The following FGGY variants were observed in gnomAD, a reference collection of about 807,000 sequenced individuals.
FGGY encodes the protein FGGY carbohydrate kinase domain containing.
FGGY carries 72 observed loss-of-function variants against 71.3 expected under a neutral mutation model. The observed-to-expected ratio is 1.01, with a 90% CI of 0.84 to 1.23. The LOEUF (loss-of-function observed/expected upper bound fraction) is 1.23. Among genes scored for constraint, FGGY ranks in the 50% most tolerant of loss-of-function variants. FGGY has a pLI of 0.00. For synonymous variants in FGGY, 251 were observed against 250.3 expected (o/e 1.00, Z -0.02); for missense variants, 668 against 682.3 (o/e 0.98, Z 0.23).
At chr1:59,631,792 G>A (rs1475971118) in intron 10 of FGGY, among the ~76,000 whole-genome samples, 2 of 152,164 alleles carry the variant, frequency 1.3e-5, no homozygotes, top group Non-Finnish European at 2.9e-5. Flanking sequence ...TATAAATTAA[G>A]TAAACAAGAA....
chr1:59,465,215 A>G lies in FGGY; in HGVS notation c.670+8139A>G, dbSNP rs116422100. 4.5e-3 allele frequency among the ~76,000 whole-genome samples: 693 copies of G among 152,354 alleles called. 5 individuals are homozygous for G. Among genetic ancestry groups the G allele is most frequent in the African/African-American group, 0.016 (672 of 41,578 alleles). On this transcript the variant is annotated intron_variant, in intron 6 of 15. Coordinates refer to ENST00000303721, the MANE Select transcript of FGGY (RefSeq NM_018291.5). ...ATGTAAGGCGGTTCCACATATGCAA[A>G]TTAATTAACATAATCCATCACATAA...
intron 7 of FGGY, among the ~76,000 whole-genome samples, chr1:59,531,405 A>T (rs1205508353): frequency 6.6e-6 from 1 of 152,128 alleles, no homozygotes; most frequent in Non-Finnish European, 1.5e-5. Flanking sequence ...TTTTTCTGGC[A>T]ACAATGGGCT....
intron 11 of FGGY, among the ~76,000 whole-genome samples, chr1:59,650,234 A>C (rs2097143682): frequency 6.8e-6 from 1 of 146,106 alleles, no homozygotes; most frequent in Non-Finnish European, 1.5e-5. Context: ...TGTCTCTGCC[A>C]GGGTTTGGTA....
chr1:59,534,245 G>A (rs369290921), intron 7 of FGGY, among the ~76,000 whole-genome samples: 1 of 152,038 alleles, frequency 6.6e-6, no homozygotes, highest in Non-Finnish European at 1.5e-5. Context: ...TGGAAGATGA[G>A]ATGAATGAAA....
chr1:59,589,794 A>G (rs1430368870), intron 8 of FGGY, among the ~76,000 whole-genome samples: 1 of 152,208 alleles, frequency 6.6e-6, no homozygotes, highest in African/African-American at 2.4e-5. Flanking sequence ...AGCAGTGTGT[A>G]GAGGGAAATT....
intron 5 of FGGY, among the ~76,000 whole-genome samples, chr1:59,447,252 G>A (rs1372924396): frequency 1.3e-5 from 2 of 152,016 alleles, no homozygotes; most frequent in Non-Finnish European, 1.5e-5. Context: ...TCTTCCTAAG[G>A]TTAGAGTTAT....
At chr1:59,313,583 C>T (rs76836703) in intron 1 of FGGY, among the ~76,000 whole-genome samples, 2,118 of 151,972 alleles carry the variant, frequency 0.014, 43 homozygotes, top group African/African-American at 0.044. Flanking sequence ...CACACACACA[C>T]GCACGCACAC....
intron 5 of FGGY, among the ~76,000 whole-genome samples, chr1:59,379,452 C>T (rs992386782): frequency 6.6e-6 from 1 of 151,944 alleles, no homozygotes; most frequent in African/African-American, 2.4e-5. Context: ...CATAAAAATA[C>T]AATGTAAAAG....
rs906286748 is a variant in FGGY at position 59,606,566 on chromosome 1, T to C, written c.904-1237T>C. Among the ~76,000 whole-genome samples, 31 of 152,224 alleles carry C rather than the reference T, an allele frequency of 2.0e-4. 1 individual carries two copies. Among genetic ancestry groups the C allele is most frequent in the Admixed American group, 7.2e-4 (11 of 15,286 alleles). On this transcript the variant is annotated intron_variant, in intron 8 of 15. Coordinates refer to ENST00000303721, the MANE Select transcript of FGGY (RefSeq NM_018291.5). ...GGAAACAGGACTGTTTAAACTGATT[T>C]GTCTATAGTTGATTGATTTAATTTT...
intron 5 of FGGY, among the ~76,000 whole-genome samples, chr1:59,428,463 A>G (rs1231111858): frequency 1.3e-5 from 2 of 152,336 alleles, no homozygotes; most frequent in South Asian, 2.1e-4. Flanking sequence ...ACCTCAGTAC[A>G]GTAATTAGAT....
chr1:59,487,670 G>T lies in FGGY; in HGVS notation c.671-24641G>T, dbSNP rs571294063. 1.7e-4 allele frequency among the ~76,000 whole-genome samples: 26 copies of T among 152,024 alleles called. 1 individual carries two copies. The highest frequency in any genetic ancestry group is 1.6e-3 in the Admixed American group (25 of 15,280). On this transcript the variant is annotated intron_variant, in intron 6 of 15. Transcript: ENST00000303721. ...CCTGGGCTGGTGCTTCTCTGATACA[G>T]AAACCCCTGAAACTGATGATTATCC...
chr1:59,601,418 A>T (rs72919615), intron 8 of FGGY, among the ~76,000 whole-genome samples: 1 of 152,188 alleles, frequency 6.6e-6, no homozygotes, highest in Non-Finnish European at 1.5e-5. Context: ...AGCCAATGGC[A>T]TGCACTCATG....
At chr1:59,591,953 C>T (rs1238589207) in intron 8 of FGGY, among the ~76,000 whole-genome samples, 2 of 152,166 alleles carry the variant, frequency 1.3e-5, no homozygotes, top group African/African-American at 2.4e-5. Context: ...TCTCATTAAA[C>T]TAAAGAGCTT....
At chr1:59,386,272 C>T (rs958034327) in intron 5 of FGGY, among the ~76,000 whole-genome samples, 2 of 151,932 alleles carry the variant, frequency 1.3e-5, no homozygotes, top group Non-Finnish European at 2.9e-5. Flanking sequence ...ATAGTTTCTG[C>T]GTCTTTCTTT....
chr1:59,504,008 C>T (rs2094311460), intron 6 of FGGY, among the ~76,000 whole-genome samples: 1 of 152,120 alleles, frequency 6.6e-6, no homozygotes, highest in Non-Finnish European at 1.5e-5. Context: ...CAAAAAAAGT[C>T]TGAGCAGATA....
Position 59,313,470 on chromosome 1 carries a change from A to G in FGGY, c.-14-8066A>G, listed in dbSNP as rs76195306. On this transcript the variant is annotated intron_variant, in intron 1 of 15. Coordinates refer to ENST00000303721, the MANE Select transcript of FGGY (RefSeq NM_018291.5). ...GCGAGAATGCCTAGGTATAGATAAC[A>G]CATATTAAAAGATGTGGGTGTCAGC... 3.3e-3 allele frequency among the ~76,000 whole-genome samples: 502 copies of G among 152,314 alleles called. 4 individuals are homozygous for G. Among genetic ancestry groups the G allele is most frequent in the African/African-American group, 0.011 (466 of 41,560 alleles).
chr1:59,652,899 C>G (rs1027998627), intron 11 of FGGY, among the ~76,000 whole-genome samples: 1 of 152,118 alleles, frequency 6.6e-6, no homozygotes, highest in Non-Finnish European at 1.5e-5. Context: ...TACTTTTGGT[C>G]TTTGATGATG....
chr1:59,528,124 A>G (rs2095043058), intron 7 of FGGY, among the ~76,000 whole-genome samples: 2 of 152,242 alleles, frequency 1.3e-5, no homozygotes, highest in South Asian at 2.1e-4. Context: ...CAGACTAATT[A>G]GACTCAACGT....
intron 8 of FGGY, among the ~76,000 whole-genome samples, chr1:59,590,433 T>C (rs188374982): frequency 3.3e-5 from 5 of 152,308 alleles, no homozygotes; most frequent in African/African-American, 9.6e-5. Context: ...CCCTAACTCA[T>C]TTTATGAGGC....
Sources: allele counts gnomAD v4.1 joint callset (sites outside exome capture counted in the v4.1 genomes callset), GRCh38; gene constraint gnomAD v4.1.1; transcripts MANE v1.5; gene names NCBI Gene and HGNC (gene_info 2026-07-23, HGNC 2026-07-21).